SLC28A3: variants seen among roughly 807,000 people sequenced by gnomAD.
SLC28A3 encodes the protein solute carrier family 28 member 3, also known as concentrative Na(+)-nucleoside cotransporter 3.
Under a neutral mutation model 84.2 loss-of-function variants are expected in SLC28A3, and 68 were observed. The observed-to-expected ratio is 0.81, with a 90% CI of 0.66 to 0.99. SLC28A3 has a LOEUF of 0.99. SLC28A3 is among the 50% of genes least tolerant of loss of function. The probability of loss-of-function intolerance (pLI) is 0.00; values close to 1 mark genes in which losing one functional copy is unlikely to be tolerated. For synonymous variants in SLC28A3, 267 were observed against 303.6 expected (o/e 0.88, Z 1.25); for missense variants, 712 against 841.5 (o/e 0.85, Z 1.90).
chr9:84,281,561 G>A (rs148531763), intron 14 of SLC28A3, among the ~76,000 whole-genome samples: 46 of 152,326 alleles, frequency 3.0e-4, no homozygotes, highest in Admixed American at 2.0e-3. Flanking sequence ...CAGTCTGTTT[G>A]TGAAACAGTA....
chr9:84,338,686 A>G (rs1463171951), intron 1 of SLC28A3, among the ~76,000 whole-genome samples: 1 of 152,130 alleles, frequency 6.6e-6, no homozygotes, highest in African/African-American at 2.4e-5. Flanking sequence ...TCTCTATTGC[A>G]GATATATTTT....
chr9:84,367,265 G>T, the SLC28A3 span, among the ~76,000 whole-genome samples: 3 of 152,190 alleles, frequency 2.0e-5, no homozygotes, highest in African/African-American at 7.2e-5. Flanking sequence ...ATGCTGCCTG[G>T]CCTGGGACTC....
chr9:84,326,943 G>T (rs1454927577), intron 1 of SLC28A3, among the ~76,000 whole-genome samples: 1 of 152,122 alleles, frequency 6.6e-6, no homozygotes, highest in Non-Finnish European at 1.5e-5. Flanking sequence ...AGCAGAGGTT[G>T]CAGTGAGCCA....
chr9:84,336,907 A>G (rs1202742245), intron 1 of SLC28A3, among the ~76,000 whole-genome samples: 2 of 152,086 alleles, frequency 1.3e-5, no homozygotes, highest in African/African-American at 2.4e-5. Flanking sequence ...TGACCTGACC[A>G]TCCTTAAAGC....
chr9:84,296,346 A>G (rs1295942314), intron 8 of SLC28A3, among the ~76,000 whole-genome samples: 1 of 152,228 alleles, frequency 6.6e-6, no homozygotes, highest in Non-Finnish European at 1.5e-5. Context: ...CCAGCCTGCC[A>G]CTAAACTGCT....
chr9:84,281,307 A>G (rs1824738380), intron 14 of SLC28A3, among the ~76,000 whole-genome samples: 1 of 152,226 alleles, frequency 6.6e-6, no homozygotes, highest in South Asian at 2.1e-4. Flanking sequence ...AACTGTTATA[A>G]CTCAATAAGA....
chr9:84,309,040 T>G (rs1422328730), intron 3 of SLC28A3, among the ~76,000 whole-genome samples: 3 of 152,228 alleles, frequency 2.0e-5, no homozygotes, highest in African/African-American at 7.2e-5. Flanking sequence ...TTTGGTAATT[T>G]ACACTTTTAA....
At chr9:84,306,001 T>C (rs1825776317) in intron 3 of SLC28A3, among the ~76,000 whole-genome samples, 1 of 152,136 alleles carries the variant, frequency 6.6e-6, no homozygotes, top group Admixed American at 6.6e-5. Context: ...GTGTGAGTAA[T>C]GTGTAGGTTG....
chr9:84,332,523 T>TA (rs1413387683), intron 1 of SLC28A3, among the ~76,000 whole-genome samples: 1 of 151,830 alleles, frequency 6.6e-6, no homozygotes. Context: ...CTTGAAAAAC[T>TA]AAAAAAATAA....
intron 11 of SLC28A3, among the ~76,000 whole-genome samples, chr9:84,288,435 T>G (rs1442898326): frequency 6.6e-6 from 1 of 152,172 alleles, no homozygotes; most frequent in African/African-American, 2.4e-5. Flanking sequence ...AAAACCAAAA[T>G]CTGATCGTTT....
chr9:84,301,369 A>AAAAAAAAAAAAAAAAAAAAAAG (rs753889714), intron 5 of SLC28A3, among the ~76,000 whole-genome samples: 12 of 132,402 alleles, frequency 9.1e-5, no homozygotes, highest in Admixed American at 1.7e-4. Context: ...AAAAAAAAAA[A>AAAAAAAAAAAAAAAAAAAAAAG]AAAAAGAAAA....
At position 84,292,735 on chromosome 9, in the gene SLC28A3, A is replaced by G. The variant is rs1825287739; in HGVS notation, c.956T>C (p.Met319Thr). The G allele has an allele frequency of 2.5e-6, 4 of 1,581,428 alleles. No individual in the cohort carries two copies. The highest frequency in any genetic ancestry group is 1.9e-5 in the Admixed American group (1 of 52,120). ...AGGAGATGATCCCGTAGTAACTAGC[A>G]TGATCCATCCAACCTAAAAGGAAGA... ...QWIIRKVGWI[M>T]LVTTGSSPIE... The change falls in exon 10 of 18, where the codon ATG becomes ACG. Residue 319 changes from methionine (M) to threonine (T), a missense_variant. Met to Thr is a moderately conservative substitution (Grantham distance 81). Coordinates refer to ENST00000376238, the MANE Select transcript of SLC28A3 (RefSeq NM_001199633.2).
chr9:84,340,156 G>A (rs1413078099), intron 1 of SLC28A3, among the ~76,000 whole-genome samples: 1 of 152,154 alleles, frequency 6.6e-6, no homozygotes, highest in Admixed American at 6.5e-5. Context: ...CTCTGGGGCA[G>A]GTACCGGGGC....
intron 1 of SLC28A3, among the ~76,000 whole-genome samples, chr9:84,328,722 G>T (rs1826666258): frequency 6.6e-6 from 1 of 152,156 alleles, no homozygotes; most frequent in Non-Finnish European, 1.5e-5. Flanking sequence ...TAACACCACT[G>T]CACTTCAGCC....
intron 1 of SLC28A3, 91 bp downstream of exon 1, chr9:84,340,483 T>G: frequency 7.5e-7 from 1 of 1,337,040 alleles, no homozygotes; most frequent in Non-Finnish European, 1.1e-6. Context: ...CCTGATAATC[T>G]CCCTGCTTAG....
the SLC28A3 span, among the ~76,000 whole-genome samples, chr9:84,359,907 C>G: frequency 1.3e-5 from 2 of 148,644 alleles, no homozygotes; most frequent in African/African-American, 5.0e-5. Context: ...AGGCTGAAGC[C>G]GGAGAATTGC....
chr9:84,319,824 A>C (rs1368587117), intron 1 of SLC28A3, among the ~76,000 whole-genome samples: 1 of 152,030 alleles, frequency 6.6e-6, no homozygotes, highest in Non-Finnish European at 1.5e-5. Context: ...TTCTGAGAGC[A>C]ATGTGACCAC....
the SLC28A3 span, among the ~76,000 whole-genome samples, chr9:84,362,463 C>T: frequency 2.2e-4 from 33 of 151,972 alleles, no homozygotes; most frequent in Non-Finnish European, 3.5e-4. Context: ...GAAACCCTGT[C>T]TCTACTAAAA....
chr9:84,322,659 A>G (rs1302369420), intron 1 of SLC28A3, among the ~76,000 whole-genome samples: 4 of 152,124 alleles, frequency 2.6e-5, no homozygotes, highest in Non-Finnish European at 5.9e-5. Context: ...AGCCTGGCCA[A>G]CATGGAAAAA....
Sources: allele counts gnomAD v4.1 joint callset (sites outside exome capture counted in the v4.1 genomes callset), GRCh38; gene constraint gnomAD v4.1.1; transcripts MANE v1.5; gene names NCBI Gene and HGNC (gene_info 2026-07-23, HGNC 2026-07-21).